The following XKR4 variants were observed in gnomAD, a reference collection of about 807,000 sequenced individuals.
XKR4 encodes XK related 4.
Under a neutral mutation model 53.9 loss-of-function variants are expected in XKR4, and 12 were observed. The observed-to-expected ratio is 0.22, with a 90% CI of 0.14 to 0.36. The LOEUF (loss-of-function observed/expected upper bound fraction) is 0.36. XKR4 is among the 10% of genes least tolerant of loss of function. XKR4 has a pLI of 1.00. For synonymous variants in XKR4, 354 were observed against 362.4 expected, an observed-to-expected ratio of 0.98 and a Z score of 0.26; for missense variants, 799 against 859.5, an observed-to-expected ratio of 0.93 and a Z score of 0.88.
chr8:55,212,153 C>T (rs1817740228), intron 1 of XKR4, among the ~76,000 whole-genome samples: 1 of 151,094 alleles, frequency 6.6e-6, no homozygotes, highest in South Asian at 2.1e-4. Flanking sequence ...TTGCAGAGAC[C>T]AAGGTTCTTA....
In XKR4 at chr8:55,427,570, A is replaced by G. The variant is rs927057831; in HGVS notation, c.1006+69693A>G. On this transcript the variant is annotated intron_variant, in intron 2 of 2. Coordinates refer to ENST00000327381, the MANE Select transcript of XKR4 (RefSeq NM_052898.2). Reference sequence around the variant, plus strand: ...GGCACATATATAACACAAGGGGAACAAATTCTCACCATTTCTCTAAAATTA... The same window carrying G: ...GGCACATATATAACACAAGGGGAACGAATTCTCACCATTTCTCTAAAATTA... 4.6e-5 allele frequency among the ~76,000 whole-genome samples: 7 copies of G among 152,302 alleles called. No homozygotes were observed. In the East Asian group the frequency reaches 1.4e-3, roughly 29 times the overall value.
At chr8:55,133,809 C>G (rs1362782182) in intron 1 of XKR4, among the ~76,000 whole-genome samples, 1 of 152,156 alleles carries the variant, frequency 6.6e-6, no homozygotes, top group African/African-American at 2.4e-5. Flanking sequence ...TTACATTGCA[C>G]TTAATTTTAT....
At chr8:55,490,145 G>A (rs1370622930) in intron 2 of XKR4, among the ~76,000 whole-genome samples, 2 of 152,060 alleles carry the variant, frequency 1.3e-5, no homozygotes, top group East Asian at 3.8e-4. Flanking sequence ...AACATAAACT[G>A]TCTATAATAT....
intron 2 of XKR4, among the ~76,000 whole-genome samples, chr8:55,457,479 G>A (rs1472069350): frequency 6.6e-6 from 1 of 152,070 alleles, no homozygotes; most frequent in African/African-American, 2.4e-5. Flanking sequence ...AGAATTCTGT[G>A]TCCATCAAAA....
chr8:55,528,247 G>C lies in XKR4; in HGVS notation c.*4020G>C, dbSNP rs183590732. On this transcript the variant is annotated 3_prime_UTR_variant, in exon 3 of 3. Coordinates refer to ENST00000327381, the MANE Select transcript of XKR4 (RefSeq NM_052898.2). ...AATATAATTCAGCACTTCTTAGCTC[G>C]AATGAGTTTTATCACTTCTTAAGGA... 6.6e-6 allele frequency: 1 copy of C among 152,128 alleles called. No homozygotes were observed. Among genetic ancestry groups the C allele is most frequent in the South Asian group, 2.1e-4 (1 of 4,828 alleles). 9.4% of individuals were successfully genotyped at this position (152,128 alleles called of 1,614,324 possible). A position where few individuals can be genotyped will look rare whatever the true frequency, so the allele number is the denominator to read the frequency against.
At chr8:55,379,229 A>G (rs1804197524) in intron 2 of XKR4, among the ~76,000 whole-genome samples, 1 of 152,210 alleles carries the variant, frequency 6.6e-6, no homozygotes, top group Admixed American at 6.5e-5. Flanking sequence ...AATGCAAAAT[A>G]TCAACATAAT....
chr8:55,512,408 CCCTGCCTCAGA>C (rs2129404763), intron 2 of XKR4, among the ~76,000 whole-genome samples: 1 of 152,310 alleles, frequency 6.6e-6, no homozygotes, highest in South Asian at 2.1e-4. Context: ...CCCTCCTCAG[CCCTGCCTCAGA>C]CACACCCAGG....
intron 1 of XKR4, among the ~76,000 whole-genome samples, chr8:55,334,650 C>G (rs753242116): frequency 2.0e-5 from 3 of 152,154 alleles, no homozygotes; most frequent in Non-Finnish European, 4.4e-5. Context: ...TATACCTGTG[C>G]ATTTCAGAAT....
At chr8:55,115,774 TCA>T (rs373505895) in intron 1 of XKR4, among the ~76,000 whole-genome samples, 3 of 149,556 alleles carry the variant, frequency 2.0e-5, no homozygotes, top group South Asian at 2.1e-4. Context: ...GAGCTTCATC[TCA>T]CACACACACA....
Position 55,529,001 on chromosome 8 carries a change from T to C in XKR4, c.*4774T>C, listed in dbSNP as rs1162572783. 2.7e-5 allele frequency: 4 copies of C among 149,736 alleles called. No homozygotes were observed. The East Asian group carries it at 5.8e-4, about 22-fold the overall frequency. The allele number at this position is 149,736 out of a possible 1,614,324, so 9.3% of individuals were successfully genotyped here. A position where few individuals can be genotyped will look rare whatever the true frequency, so the allele number is the denominator to read the frequency against. On this transcript the variant is annotated 3_prime_UTR_variant, in exon 3 of 3. Transcript: ENST00000327381. Reference sequence around the variant, plus strand: ...GCATCAGACCACTGAAGTTGTTGTGTTGACATATGTCTTATCTAGTTGCTG... The same window carrying C: ...GCATCAGACCACTGAAGTTGTTGTGCTGACATATGTCTTATCTAGTTGCTG...
intron 1 of XKR4, among the ~76,000 whole-genome samples, chr8:55,335,637 A>G (rs889222078): frequency 6.6e-6 from 1 of 152,336 alleles, no homozygotes; most frequent in East Asian, 1.9e-4. Flanking sequence ...TATTTGTAGC[A>G]GTATATTCAT....
At chr8:55,407,455 G>A (rs1772815869) in intron 2 of XKR4, among the ~76,000 whole-genome samples, 1 of 152,198 alleles carries the variant, frequency 6.6e-6, no homozygotes, top group Non-Finnish European at 1.5e-5. Context: ...CACCTACAGG[G>A]TCCCGCTGTC....
intron 1 of XKR4, among the ~76,000 whole-genome samples, chr8:55,237,499 A>G (rs1342243049): frequency 1.3e-5 from 2 of 152,234 alleles, no homozygotes; most frequent in Non-Finnish European, 2.9e-5. Context: ...AAAGTTCTTC[A>G]TGCTCATTAT....
chr8:55,491,878 G>C (rs1363007313), intron 2 of XKR4, among the ~76,000 whole-genome samples: 1 of 152,172 alleles, frequency 6.6e-6, no homozygotes, highest in Non-Finnish European at 1.5e-5. Context: ...CTCCCCAGGA[G>C]TCTATTTTTG....
At chr8:55,149,062 GGT>G (rs1180209783) in intron 1 of XKR4, among the ~76,000 whole-genome samples, 1 of 152,096 alleles carries the variant, frequency 6.6e-6, no homozygotes, top group Non-Finnish European at 1.5e-5. Context: ...TTACTTCTAA[GGT>G]GTAGCCCTAT....
intron 2 of XKR4, among the ~76,000 whole-genome samples, chr8:55,444,606 G>A (rs1805318134): frequency 6.6e-6 from 1 of 152,156 alleles, no homozygotes. Context: ...CAGCATTTCA[G>A]CAATCATGGG....
intron 2 of XKR4, among the ~76,000 whole-genome samples, chr8:55,467,986 G>C (rs1805808143): frequency 6.6e-6 from 1 of 152,020 alleles, no homozygotes; most frequent in Non-Finnish European, 1.5e-5. Context: ...TTCATAATCA[G>C]ATCTATTAAC....
chr8:55,193,812 C>G (rs1357786688), intron 1 of XKR4, among the ~76,000 whole-genome samples: 1 of 152,234 alleles, frequency 6.6e-6, no homozygotes, highest in Non-Finnish European at 1.5e-5. Flanking sequence ...GTGCCTCCAC[C>G]AGTGTTTGGG....
At chr8:55,336,641 A>T (rs565114795) in intron 1 of XKR4, among the ~76,000 whole-genome samples, 3 of 152,274 alleles carry the variant, frequency 2.0e-5, no homozygotes, top group South Asian at 4.1e-4. Flanking sequence ...AAATGAAACG[A>T]TTTTTTAAAG....
Sources: allele counts gnomAD v4.1 joint callset (sites outside exome capture counted in the v4.1 genomes callset), GRCh38; gene constraint gnomAD v4.1.1; transcripts MANE v1.5; gene names NCBI Gene and HGNC (gene_info 2026-07-23, HGNC 2026-07-21).